Variants in DACH1 observed in about 807,000 individuals in gnomAD.
DACH1 encodes dachshund family transcription factor 1, also known as dachshund homolog 1.
In DACH1, 12 loss-of-function variants were observed where a neutral mutation model predicts 54.2. The observed-to-expected ratio is 0.22, with a 90% CI of 0.14 to 0.36. The LOEUF is 0.36. Ranked by LOEUF, DACH1 falls within the 10% of genes least tolerant of loss-of-function variation. The pLI, the probability that DACH1 is intolerant of heterozygous loss-of-function variation, is 1.00. For missense variants in DACH1, 805 were observed against 929.8 expected (o/e 0.87, Z 1.75); for synonymous variants, 386 against 366.2 (o/e 1.05, Z -0.62).
chr13:71,691,893 G>T (rs1881494783), intron 1 of DACH1, among the ~76,000 whole-genome samples: 1 of 152,030 alleles, frequency 6.6e-6, no homozygotes, highest in South Asian at 2.1e-4. Flanking sequence ...TGGTTGTTGG[G>T]ACAAAGTCAT....
chr13:71,617,342 C>A (rs1875858292), intron 3 of DACH1, among the ~76,000 whole-genome samples: 1 of 152,028 alleles, frequency 6.6e-6, no homozygotes, highest in Non-Finnish European at 1.5e-5. Flanking sequence ...GTTTTTGTCA[C>A]CTTTATTTCT....
intron 1 of DACH1, chr13:71,846,401 G>A (rs1314445455): frequency 2.0e-5 from 3 of 153,416 alleles, no homozygotes; most frequent in Admixed American, 1.3e-4. Flanking sequence ...AGCACTTTGG[G>A]AAGCTGAGGC....
chr13:71,556,920 C>CT (rs749226997), intron 6 of DACH1, 104 bp downstream of exon 6: 721 of 1,184,466 alleles, frequency 6.1e-4, no homozygotes, highest in Non-Finnish European at 6.2e-4. Context: ...CATTTATATG[C>CT]TTTTTTTTTA....
Position 71,866,508 on chromosome 13 carries a change from TGCCGCCGCCGCCTCCGCTGCCGCCGCC to T in DACH1, c.235_261del (p.Gly79_Gly87del), listed in dbSNP as rs1566426125. ...CCACCGCCGCCTCCGTTGCCGCTGC[TGCCGCCGCCGCCTCCGCTGCCGCCGCC>T]GCCGCCGCCGCCGCCGGTAGAGGTG... On this transcript the variant is annotated inframe_deletion, in exon 1 of 11. Coordinates refer to ENST00000613252, the MANE Select transcript of DACH1 (RefSeq NM_080759.6). 138 of 1,213,394 alleles carry T rather than the reference TGCCGCCGCCGCCTCCGCTGCCGCCGCC, an allele frequency of 1.1e-4. No individual in the cohort carries two copies. The highest frequency in any genetic ancestry group is 1.3e-4 in the Non-Finnish European group (132 of 981,214). 75.2% of individuals were successfully genotyped at this position (1,213,394 alleles called of 1,614,324 possible). A position where few individuals can be genotyped will look rare whatever the true frequency, so the allele number is the denominator to read the frequency against.
At chr13:71,679,356 T>C (rs1880759936) in intron 2 of DACH1, among the ~76,000 whole-genome samples, 2 of 152,192 alleles carry the variant, frequency 1.3e-5, no homozygotes, top group Admixed American at 1.3e-4. Context: ...GTGTTAATTA[T>C]GTGAGGTGTT....
intron 1 of DACH1, among the ~76,000 whole-genome samples, chr13:71,748,108 C>T (rs1050506796): frequency 1.3e-5 from 2 of 151,960 alleles, no homozygotes; most frequent in African/African-American, 4.8e-5. Context: ...TACTTACTGG[C>T]CAGCTTTACA....
intron 1 of DACH1, among the ~76,000 whole-genome samples, chr13:71,826,894 T>C (rs971329169): frequency 6.6e-6 from 1 of 151,962 alleles, no homozygotes; most frequent in Admixed American, 6.6e-5. Context: ...TACTATTAGC[T>C]GGAATAGGGA....
intron 1 of DACH1, among the ~76,000 whole-genome samples, chr13:71,711,185 A>G (rs547791584): frequency 5.9e-5 from 9 of 152,282 alleles, no homozygotes; most frequent in Admixed American, 3.3e-4. Context: ...GCCAATAATA[A>G]ATTCAGAATA....
intron 10 of DACH1, among the ~76,000 whole-genome samples, chr13:71,467,384 G>C (rs1876682407): frequency 6.7e-6 from 1 of 149,542 alleles, no homozygotes. Flanking sequence ...AGCATTAGCA[G>C]ATATACCTAA....
chr13:71,451,038 A>G (rs1566266705), intron 10 of DACH1, among the ~76,000 whole-genome samples: 1 of 152,140 alleles, frequency 6.6e-6, no homozygotes, highest in Non-Finnish European at 1.5e-5. Context: ...AAAATTAACA[A>G]AAAATTATGA....
At chr13:71,640,712 C>T (rs566561195) in intron 2 of DACH1, among the ~76,000 whole-genome samples, 45 of 152,154 alleles carry the variant, frequency 3.0e-4, no homozygotes, top group Non-Finnish European at 5.3e-4. Flanking sequence ...ATTGACTCCA[C>T]GCAGGTAGCT....
chr13:71,570,722 C>T (rs540968417), intron 4 of DACH1, among the ~76,000 whole-genome samples: 33 of 152,084 alleles, frequency 2.2e-4, no homozygotes, highest in Non-Finnish European at 4.3e-4. Context: ...CATATATCCC[C>T]CTCCTTTCCA....
intron 10 of DACH1, among the ~76,000 whole-genome samples, chr13:71,472,095 A>G (rs2138164478): frequency 6.6e-6 from 1 of 152,284 alleles, no homozygotes; most frequent in East Asian, 1.9e-4. Context: ...AAGGCATAAG[A>G]GAGTTAATGG....
At chr13:71,518,141 C>T (rs1593823630) in intron 6 of DACH1, among the ~76,000 whole-genome samples, 3 of 151,774 alleles carry the variant, frequency 2.0e-5, no homozygotes, top group Admixed American at 2.0e-4. Context: ...GCTATAATGC[C>T]CAATGTGACT....
intron 2 of DACH1, among the ~76,000 whole-genome samples, chr13:71,663,846 T>C (rs1025115709): frequency 1.3e-5 from 2 of 151,698 alleles, no homozygotes; most frequent in African/African-American, 2.4e-5. Context: ...TCTCAAATAA[T>C]ATGGCCATGT....
chr13:71,486,373 C>A (rs1200901018), intron 7 of DACH1, among the ~76,000 whole-genome samples: 1 of 152,024 alleles, frequency 6.6e-6, no homozygotes, highest in Non-Finnish European at 1.5e-5. Flanking sequence ...TTGAGGTAGG[C>A]AGAATGTAAT....
At chr13:71,443,367 G>A (rs1331299361) in intron 10 of DACH1, among the ~76,000 whole-genome samples, 1 of 151,986 alleles carries the variant, frequency 6.6e-6, no homozygotes, top group Non-Finnish European at 1.5e-5. Flanking sequence ...GCTGAGCGGG[G>A]AGGACTGCCT....
chr13:71,751,293 A>C (rs1433675436), intron 1 of DACH1, among the ~76,000 whole-genome samples: 1 of 152,182 alleles, frequency 6.6e-6, no homozygotes, highest in East Asian at 1.9e-4. Flanking sequence ...TGTTTACTAT[A>C]ATAACATCAC....
chr13:71,806,450 CT>C (rs910529898), intron 1 of DACH1, among the ~76,000 whole-genome samples: 4 of 151,968 alleles, frequency 2.6e-5, no homozygotes, highest in South Asian at 2.1e-4. Context: ...CTGACAATTT[CT>C]TTTTTTTCCA....
Sources: allele counts gnomAD v4.1 joint callset (sites outside exome capture counted in the v4.1 genomes callset), GRCh38; gene constraint gnomAD v4.1.1; transcripts MANE v1.5; gene names NCBI Gene and HGNC (gene_info 2026-07-23, HGNC 2026-07-21).